The following MAT2B variants were observed in gnomAD, a reference collection of about 807,000 sequenced individuals.
MAT2B encodes methionine adenosyltransferase 2 subunit beta.
Under a neutral mutation model 36.1 loss-of-function variants are expected in MAT2B, and 16 were observed. The ratio of observed to expected loss-of-function variants is 0.44; its 90% CI spans 0.30 to 0.67. The LOEUF (loss-of-function observed/expected upper bound fraction) is 0.67, where lower values mean the gene tolerates loss of function less well. Ranked by LOEUF, MAT2B falls within the 30% of genes least tolerant of loss-of-function variation. The pLI, the probability that MAT2B is intolerant of heterozygous loss-of-function variation, is 0.09. For missense variants in MAT2B, 332 were observed against 398.2 expected, an observed-to-expected ratio of 0.83 and a Z score of 1.42; for synonymous variants, 148 against 136.9, an observed-to-expected ratio of 1.08 and a Z score of -0.57.
chr5:163,509,001 T>C (rs1204736375), intron 1 of MAT2B, among the ~76,000 whole-genome samples: 1 of 152,164 alleles, frequency 6.6e-6, no homozygotes, highest in African/African-American at 2.4e-5. Context: ...TCCACTTCCT[T>C]TTTTACGTTA....
intron 4 of MAT2B, 78 bp from the exon 5 acceptor site, chr5:163,516,440 T>C: frequency 8.4e-7 from 1 of 1,184,172 alleles, no homozygotes; most frequent in Non-Finnish European, 1.2e-6. Context: ...TGATATTATT[T>C]AAATCCACAC....
chr5:163,515,442 A>G (rs1289151056), intron 4 of MAT2B, among the ~76,000 whole-genome samples: 1 of 152,170 alleles, frequency 6.6e-6, no homozygotes, highest in Non-Finnish European at 1.5e-5. Context: ...GTTGAATTTC[A>G]TCTCCAAATA....
At chr5:163,517,471 G>C in intron 5 of MAT2B, 90 bp from the exon 6 acceptor site, 1 of 697,528 alleles carries the variant, frequency 1.4e-6, no homozygotes, top group East Asian at 2.7e-5. Context: ...TTAGTTCCTG[G>C]ACCTTATTTT....
chr5:163,503,518 G>A, upstream of MAT2B: 2 of 1,181,806 alleles, frequency 1.7e-6, no homozygotes, highest in Non-Finnish European at 2.5e-6. Context: ...GAATTGTTGT[G>A]TAAAGAAAAT....
In MAT2B at chr5:163,517,518, C is replaced by G. The variant is rs770568192; in HGVS notation, c.721-43C>G. ...TTGGTCAAACCTATTCTACTCAGCTCAAAAAGTTGAAACTATTGAATTTAT... is the reference window on the plus strand; with the variant it reads ...TTGGTCAAACCTATTCTACTCAGCTGAAAAAGTTGAAACTATTGAATTTAT... On this transcript the variant is annotated intron_variant, in intron 5 of 6. Coordinates refer to ENST00000321757, the MANE Select transcript of MAT2B (RefSeq NM_013283.5). The G allele has an allele frequency of 5.6e-6, 7 of 1,259,768 alleles. No homozygotes were observed. The South Asian group carries it at 7.2e-5, about 13-fold the overall frequency. 78.0% of individuals were successfully genotyped at this position (1,259,768 alleles called of 1,614,324 possible). A position where few individuals can be genotyped will look rare whatever the true frequency, so the allele number is the denominator to read the frequency against.
rs1760143430 is a variant in MAT2B, at chr5:163,516,990, T to G, written c.720+279T>G. 1.9e-5 allele frequency: 10 copies of G among 540,308 alleles called. No homozygotes were observed. In the South Asian group the frequency reaches 2.8e-4, roughly 15 times the overall value. The allele number at this position is 540,308 out of a possible 1,614,324, so 33.5% of individuals were successfully genotyped here. On this transcript the variant is annotated intron_variant, in intron 5 of 6. Coordinates refer to ENST00000321757, the MANE Select transcript of MAT2B (RefSeq NM_013283.5). ...TTCAAAATAATCATCTAAGGTCTTT[T>G]AAGAAGATACTCTTTGGGGGCTGGG...
chr5:163,510,865 T>G (rs1760028391), intron 1 of MAT2B, among the ~76,000 whole-genome samples: 1 of 152,190 alleles, frequency 6.6e-6, no homozygotes, highest in African/African-American at 2.4e-5. Context: ...CAAAATATGA[T>G]AAATTATTGA....
rs867353031 is a variant in MAT2B, at chr5:163,511,363, T to A, written c.64-639T>A. Reference sequence around the variant, plus strand: ...TTATTACAGCCTTGGCCTCCCAGGCTCGTGATCCTCCCACCCCAGCCTCCC... The same window carrying A: ...TTATTACAGCCTTGGCCTCCCAGGCACGTGATCCTCCCACCCCAGCCTCCC... On this transcript the variant is annotated intron_variant, in intron 1 of 6. Coordinates refer to ENST00000321757, the MANE Select transcript of MAT2B (RefSeq NM_013283.5). Among the ~76,000 whole-genome samples, 3 of 151,254 alleles carry A rather than the reference T, an allele frequency of 2.0e-5. 1 individual carries two copies. The highest frequency in any genetic ancestry group is 4.2e-4 in the South Asian group (2 of 4,754).
At position 163,512,359 on chromosome 5, in the gene MAT2B, C is replaced by T. The variant is rs188278894; in HGVS notation, c.258+163C>T. The T allele has an allele frequency of 1.3e-4, 80 of 634,552 alleles. 2 individuals are homozygous for T. The Admixed American group carries it at 2.3e-3, about 18-fold the overall frequency. The allele number at this position is 634,552 out of a possible 1,614,324, so 39.3% of individuals were successfully genotyped here. A position where few individuals can be genotyped will look rare whatever the true frequency, so the allele number is the denominator to read the frequency against. ...TTTAGCATGACATGGTATATGTAAACCTTAAAGTTAAATTTTGACACGCTG... is the reference window on the plus strand; with the variant it reads ...TTTAGCATGACATGGTATATGTAAATCTTAAAGTTAAATTTTGACACGCTG... On this transcript the variant is annotated intron_variant, in intron 2 of 6. Coordinates refer to ENST00000321757, the MANE Select transcript of MAT2B (RefSeq NM_013283.5).
At chr5:163,515,770 CTTTTTT>C (rs66978639) in intron 4 of MAT2B, among the ~76,000 whole-genome samples, 14 of 69,780 alleles carry the variant, frequency 2.0e-4, no homozygotes, top group African/African-American at 5.1e-4. Flanking sequence ...TTGCCTTTTT[CTTTTTT>C]TTTTTTTTTT....
At chr5:163,508,843 C>T (rs750825470) in intron 1 of MAT2B, among the ~76,000 whole-genome samples, 8 of 151,992 alleles carry the variant, frequency 5.3e-5, no homozygotes, top group African/African-American at 9.7e-5. Flanking sequence ...TTAAGAGTGA[C>T]GATCTGAAGT....
At chr5:163,512,628 T>C in intron 2 of MAT2B, 1 of 430,404 alleles carries the variant, frequency 2.3e-6, no homozygotes, top group Middle Eastern at 4.2e-4. Flanking sequence ...ATGATAGCTC[T>C]TTCCTTTTGT....
At chr5:163,503,182 C>T, upstream of MAT2B, 1 of 507,678 alleles carries the variant, frequency 2.0e-6, no homozygotes. Context: ...GAGACTACTA[C>T]GGGGAATCAG....
chr5:163,505,776 G>A, intron 1 of MAT2B, 27 bp downstream of exon 1: 1 of 1,256,954 alleles, frequency 8.0e-7, no homozygotes, highest in Non-Finnish European at 1.0e-6. Context: ...GGGCGTCTCC[G>A]GTGGGAGCGG....
Position 163,515,770 on chromosome 5 carries a change from CTT to C in MAT2B, c.527-723_527-722del, listed in dbSNP as rs66978639. Among the ~76,000 whole-genome samples, 269 of 69,750 alleles carry C rather than the reference CTT, an allele frequency of 3.9e-3. 1 individual carries two copies. Among genetic ancestry groups the C allele is most frequent in the African/African-American group, 0.019 (253 of 13,568 alleles). 45.8% of individuals were successfully genotyped at this position (69,750 alleles called of 152,430 possible). On this transcript the variant is annotated intron_variant, in intron 4 of 6. Transcript: ENST00000321757. ...TTAACAAATGTGGTTTTGCCTTTTT[CTT>C]TTTTTTTTTTTTTTTTTTTTTTTTG... is the stretch of plus-strand genomic sequence containing the variant.
chr5:163,510,255 C>T (rs913617400), intron 1 of MAT2B, among the ~76,000 whole-genome samples: 4 of 152,102 alleles, frequency 2.6e-5, no homozygotes, highest in Non-Finnish European at 5.9e-5. Flanking sequence ...TGGAACTATG[C>T]TTGGAAACAT....
chr5:163,515,879 A>G (rs1242298077), intron 4 of MAT2B, among the ~76,000 whole-genome samples: 2 of 146,256 alleles, frequency 1.4e-5, no homozygotes, highest in South Asian at 2.1e-4. Flanking sequence ...GGCTTAAGCA[A>G]TCCTCCCACC....
At chr5:163,514,626 A>G (rs1474891321) in intron 4 of MAT2B, among the ~76,000 whole-genome samples, 1 of 151,644 alleles carries the variant, frequency 6.6e-6, no homozygotes, top group African/African-American at 2.4e-5. Context: ...TTTTTCCCTC[A>G]ACATCTTTGC....
At position 163,518,227 on chromosome 5, in the gene MAT2B, C is replaced by G. The variant is rs774716373; in HGVS notation, c.869C>G (p.Pro290Arg). The change falls in exon 7 of 7, where the codon CCG becomes CGG. Residue 290 changes from proline (P) to arginine (R), a missense_variant. Pro to Arg is a moderately radical substitution (Grantham distance 103). Coordinates refer to ENST00000321757, the MANE Select transcript of MAT2B (RefSeq NM_013283.5). Reference sequence around the variant, plus strand: ...AGCCCTGTCCTAGGAGCACAACGTCCGAGAAATGCTCAGCTTGACTGCTCC... The same window carrying G: ...AGCCCTGTCCTAGGAGCACAACGTCGGAGAAATGCTCAGCTTGACTGCTCC... ...TDSPVLGAQR[P>R]RNAQLDCSKL... is the part of the protein sequence containing the mutation. 3 of 1,612,206 alleles carry G rather than the reference C, an allele frequency of 1.9e-6. No individual in the cohort carries two copies. Among genetic ancestry groups the G allele is most frequent in the Non-Finnish European group, 2.5e-6 (3 of 1,179,400 alleles).
Sources: allele counts gnomAD v4.1 joint callset (sites outside exome capture counted in the v4.1 genomes callset), GRCh38; gene constraint gnomAD v4.1.1; transcripts MANE v1.5; gene names NCBI Gene and HGNC (gene_info 2026-07-23, HGNC 2026-07-21).